The following FAM76A variants were observed in gnomAD, a reference collection of about 807,000 sequenced individuals.
FAM76A encodes the protein protein FAM76A.
In FAM76A, 32 loss-of-function variants were observed where a neutral mutation model predicts 46.2. The ratio of observed to expected loss-of-function variants is 0.69; its 90% CI spans 0.52 to 0.93. The LOEUF (loss-of-function observed/expected upper bound fraction) is 0.93, where lower values mean the gene tolerates loss of function less well. Among genes scored for constraint, FAM76A ranks in the 40% least tolerant of loss-of-function variants. FAM76A has a pLI of 0.00. For synonymous variants in FAM76A, 137 were observed against 127.0 expected, an observed-to-expected ratio of 1.08 and a Z score of -0.53; for missense variants, 274 against 361.5, an observed-to-expected ratio of 0.76 and a Z score of 1.96.
intron 4 of FAM76A, among the ~76,000 whole-genome samples, chr1:27,738,115 C>A (rs2088086888): frequency 6.6e-6 from 1 of 151,972 alleles, no homozygotes; most frequent in Admixed American, 6.6e-5. Flanking sequence ...GTTCCAGCTA[C>A]CCTAGAGGCT....
At chr1:27,747,024 C>T (rs2088252233) in intron 5 of FAM76A, among the ~76,000 whole-genome samples, 1 of 152,050 alleles carries the variant, frequency 6.6e-6, no homozygotes, top group African/African-American at 2.4e-5. Flanking sequence ...TGCTGTGAGC[C>T]ATGATTATGC....
Position 27,760,492 on chromosome 1 carries a change from T to C in FAM76A, c.838-3T>C. ...TTCTTGCACTGATTTTTTTTTTCTTTAGGCCAAAAACCGAGAGCTCCTGAA... is the reference window on the plus strand; with the variant it reads ...TTCTTGCACTGATTTTTTTTTTCTTCAGGCCAAAAACCGAGAGCTCCTGAA... On this transcript the variant is annotated splice_polypyrimidine_tract_variant and splice_region_variant and intron_variant, in intron 8 of 8. Coordinates refer to ENST00000373954, the MANE Select transcript of FAM76A (RefSeq NM_152660.3). 2 of 1,606,804 alleles carry C rather than the reference T, an allele frequency of 1.2e-6. No individual in the cohort carries two copies. Among genetic ancestry groups the C allele is most frequent in the Non-Finnish European group, 1.7e-6 (2 of 1,176,496 alleles).
rs2087850625 is a variant in FAM76A at position 27,726,013 on chromosome 1, G to T, written c.-68G>T. 1.7e-6 allele frequency: 2 copies of T among 1,191,418 alleles called. No individual in the cohort carries two copies. Among genetic ancestry groups the T allele is most frequent in the Non-Finnish European group, 2.1e-6 (2 of 951,404 alleles). The allele number at this position is 1,191,418 out of a possible 1,614,324, so 73.8% of individuals were successfully genotyped here. Reference sequence around the variant, plus strand: ...AGCAGCCTGCAGCCGCCGCCGGGTTGTGCCTCAGACTGTCAGATAAATCGG... The same window carrying T: ...AGCAGCCTGCAGCCGCCGCCGGGTTTTGCCTCAGACTGTCAGATAAATCGG... On this transcript the variant is annotated 5_prime_UTR_variant, in exon 1 of 9. Transcript: ENST00000373954.
chr1:27,749,881 G>T (rs2088304087), intron 6 of FAM76A, among the ~76,000 whole-genome samples: 1 of 152,192 alleles, frequency 6.6e-6, no homozygotes, highest in Non-Finnish European at 1.5e-5. Context: ...GCATGTTTTT[G>T]TTTCATTTCA....
chr1:27,728,963 CAAA>C (rs111829326), intron 2 of FAM76A, among the ~76,000 whole-genome samples: 3 of 117,214 alleles, frequency 2.6e-5, no homozygotes, highest in Non-Finnish European at 3.7e-5. Context: ...AACTCTGTCT[CAAA>C]AAAAAAAAAA....
chr1:27,737,951 G>T (rs977252068), intron 4 of FAM76A, among the ~76,000 whole-genome samples: 5 of 151,654 alleles, frequency 3.3e-5, no homozygotes, highest in Admixed American at 3.3e-4. Flanking sequence ...TACCTGGGAG[G>T]CTGAGGTGGG....
intron 5 of FAM76A, 42 bp downstream of exon 5, chr1:27,744,853 G>A: frequency 6.3e-7 from 1 of 1,585,024 alleles, no homozygotes; most frequent in South Asian, 1.1e-5. Context: ...AGTGCTGGTA[G>A]GTCAGATGTA....
At position 27,727,675 on chromosome 1, in the gene FAM76A, A is replaced by G. The variant is rs904733264; in HGVS notation, c.146+139A>G. On this transcript the variant is annotated intron_variant, in intron 2 of 8. Coordinates refer to ENST00000373954, the MANE Select transcript of FAM76A (RefSeq NM_152660.3). ...CTGTAATCAATCACATTATATACAG[A>G]CTATAATTGCTAAATATTTAGGTCT... is the stretch of plus-strand genomic sequence containing the variant. 4 of 647,050 alleles carry G rather than the reference A, an allele frequency of 6.2e-6. No individual in the cohort carries two copies. In the African/African-American group the frequency reaches 7.3e-5, roughly 12 times the overall value. 40.1% of individuals were successfully genotyped at this position (647,050 alleles called of 1,614,324 possible). A position where few individuals can be genotyped will look rare whatever the true frequency, so the allele number is the denominator to read the frequency against.
At chr1:27,751,131 C>G (rs867198609) in intron 6 of FAM76A, among the ~76,000 whole-genome samples, 19 of 151,596 alleles carry the variant, frequency 1.3e-4, no homozygotes, top group Admixed American at 1.3e-4. Context: ...TGAGCCTAGG[C>G]AGTGAGACTC....
At chr1:27,757,724 C>G (rs2088435596) in intron 7 of FAM76A, among the ~76,000 whole-genome samples, 1 of 151,766 alleles carries the variant, frequency 6.6e-6, no homozygotes, top group Admixed American at 6.6e-5. Context: ...TGCCTGTAAT[C>G]CCACCATTTT....
chr1:27,737,867 A>G (rs930712137), intron 4 of FAM76A, among the ~76,000 whole-genome samples: 2 of 90,468 alleles, frequency 2.2e-5, no homozygotes, highest in Non-Finnish European at 4.6e-5. Context: ...AACAACAACA[A>G]CAAAAAAAAA....
chr1:27,757,036 G>C (rs1281225109), intron 7 of FAM76A, among the ~76,000 whole-genome samples: 1 of 151,864 alleles, frequency 6.6e-6, no homozygotes, highest in Non-Finnish European at 1.5e-5. Flanking sequence ...TCCAGCCTGT[G>C]GGTGACAGAG....
At position 27,745,820 on chromosome 1, in the gene FAM76A, T is replaced by C. The variant is rs1348282930; in HGVS notation, c.512+1009T>C. Among the ~76,000 whole-genome samples the C allele has an allele frequency of 5.3e-5, 8 of 152,266 alleles. 1 individual carries two copies. The highest frequency in any genetic ancestry group is 5.2e-4 in the Admixed American group (8 of 15,290). On this transcript the variant is annotated intron_variant, in intron 5 of 8. Transcript: ENST00000373954. ...TGAGAGAATAGCATTTGCAAAGGCA[T>C]GGAGGGCATGAGACCAAATGGAACC...
At chr1:27,752,339 A>G (rs1318888610) in intron 6 of FAM76A, among the ~76,000 whole-genome samples, 1 of 152,142 alleles carries the variant, frequency 6.6e-6, no homozygotes, top group East Asian at 1.9e-4. Flanking sequence ...TAAGTATCCT[A>G]CAACATCCAC....
In FAM76A at chr1:27,735,545, A is replaced by G. The variant is rs139815057; in HGVS notation, c.354+1362A>G. Among the ~76,000 whole-genome samples the G allele has an allele frequency of 6.4e-4, 98 of 152,270 alleles. 1 individual carries two copies. In the East Asian group the frequency reaches 0.012, roughly 18 times the overall value. On this transcript the variant is annotated intron_variant, in intron 4 of 8. Coordinates refer to ENST00000373954, the MANE Select transcript of FAM76A (RefSeq NM_152660.3). ...TGCTTACCAAATTCATTAACTTACA[A>G]TGGAAGGATATAACTTTCTATTGAC...
intron 2 of FAM76A, among the ~76,000 whole-genome samples, chr1:27,729,064 T>C (rs1451092897): frequency 6.6e-6 from 1 of 152,094 alleles, no homozygotes; most frequent in East Asian, 1.9e-4. Flanking sequence ...CCAAGTTTGA[T>C]TCTTGTGGAA....
intron 4 of FAM76A, among the ~76,000 whole-genome samples, chr1:27,734,805 T>C (rs1240086515): frequency 6.6e-6 from 1 of 152,252 alleles, no homozygotes; most frequent in Non-Finnish European, 1.5e-5. Flanking sequence ...CCAGTTTTAC[T>C]ATCTGGCTCT....
At chr1:27,743,961 T>C (rs2148577359) in intron 4 of FAM76A, among the ~76,000 whole-genome samples, 1 of 151,676 alleles carries the variant, frequency 6.6e-6, no homozygotes, top group East Asian at 1.9e-4. Flanking sequence ...TCCAAAAAAC[T>C]GTAAATGTGA....
chr1:27,760,643 C>T lies in FAM76A; in HGVS notation c.*62C>T. 1 of 1,204,774 alleles carries T rather than the reference C, an allele frequency of 8.3e-7. No homozygotes were observed. Among genetic ancestry groups the T allele is most frequent in the Middle Eastern group, 2.0e-4 (1 of 5,022 alleles). The allele number at this position is 1,204,774 out of a possible 1,614,324, so 74.6% of individuals were successfully genotyped here. On this transcript the variant is annotated 3_prime_UTR_variant, in exon 9 of 9. Coordinates refer to ENST00000373954, the MANE Select transcript of FAM76A (RefSeq NM_152660.3). ...AGTTGTCCAGGGTTAGGGTTGGAGACCTGGCTGTTCTGTGGGAATTGCAAG... is the reference window on the plus strand; with the variant it reads ...AGTTGTCCAGGGTTAGGGTTGGAGATCTGGCTGTTCTGTGGGAATTGCAAG...
Sources: gnomAD v4.1 joint callset for allele counts (sites outside exome capture counted in the v4.1 genomes callset) on GRCh38, gnomAD v4.1.1 for gene constraint, MANE v1.5 for transcripts, NCBI Gene and HGNC (gene_info 2026-07-23, HGNC 2026-07-21) for gene names.